The following NUDT12 variants were observed in gnomAD, a reference collection of about 807,000 sequenced individuals.
NUDT12 encodes NAD-capped RNA hydrolase NUDT12.
NUDT12 carries 42 observed loss-of-function variants against 45.7 expected under a neutral mutation model. The ratio of observed to expected loss-of-function variants is 0.92; its 90% CI spans 0.72 to 1.19. NUDT12 has a LOEUF of 1.19. NUDT12 is among the 50% of genes most tolerant of loss of function. The probability of loss-of-function intolerance (pLI) is 0.00; values close to 1 mark genes in which losing one functional copy is unlikely to be tolerated. For missense variants in NUDT12, 590 were observed against 533.1 expected, an observed-to-expected ratio of 1.11 and a Z score of -1.05; for synonymous variants, 206 against 179.7, an observed-to-expected ratio of 1.15 and a Z score of -1.17.
At position 103,550,650 on chromosome 5, in the gene NUDT12, C is replaced by G; in HGVS notation, c.*211G>C. The G allele has an allele frequency of 2.6e-6, 1 of 389,518 alleles. No homozygotes were observed. Among genetic ancestry groups the G allele is most frequent in the Non-Finnish European group, 4.7e-6 (1 of 214,608 alleles). The allele number at this position is 389,518 out of a possible 1,614,324, so 24.1% of individuals were successfully genotyped here. A position where few individuals can be genotyped will look rare whatever the true frequency, so the allele number is the denominator to read the frequency against. On this transcript the variant is annotated 3_prime_UTR_variant, in exon 7 of 7. Transcript: ENST00000230792. Reference sequence around the variant, plus strand: ...AGAGAAAAAGTTCAGAGAAGACTGACCCAAATTTAACATAATCTGAGGCAA... The same window carrying G: ...AGAGAAAAAGTTCAGAGAAGACTGAGCCAAATTTAACATAATCTGAGGCAA...
In NUDT12 at chr5:103,552,338, G is replaced by A; in HGVS notation, c.1157C>T (p.Ala386Val). The A allele has an allele frequency of 6.2e-7, 1 of 1,613,918 alleles. No homozygotes were observed. The highest frequency in any genetic ancestry group is 1.7e-5 in the Admixed American group (1 of 59,944). ...GGAAGGCATTGGCCATGGTTGACAA[G>A]CAACATACTGAACATGGCCAACTTT... Reference protein sequence around the residue: ...GVKVGHVQYVACQPWPMPSSL... With the variant: ...GVKVGHVQYVVCQPWPMPSSL... The change falls in exon 6 of 7, where the codon GCT (alanine) becomes GTT (valine). Residue 386 changes from alanine to valine, a missense_variant. Transcript: ENST00000230792.
chr5:103,554,799 C>T lies in NUDT12; in HGVS notation c.1019G>A (p.Gly340Asp). 4 of 1,562,024 alleles carry T rather than the reference C, an allele frequency of 2.6e-6. No homozygotes were observed. The highest frequency in any genetic ancestry group is 3.5e-6 in the Non-Finnish European group (4 of 1,150,118). The change falls in exon 5 of 7, where the codon GGC (glycine) becomes GAC (aspartate). Residue 340 changes from glycine (G) to aspartate (D), a missense_variant. Physicochemically the swap from Gly to Asp is moderately conservative, Grantham distance 94 (BLOSUM62 -1). Transcript: ENST00000230792. ...IHPDGTKCLL[G>D]RQKRFPPGMF... ...GCCTGGGGGAAATCTTTTCTGCCTGCCTAAAAGGCATTTGGTCCCATCTGG... is the reference window on the plus strand; with the variant it reads ...GCCTGGGGGAAATCTTTTCTGCCTGTCTAAAAGGCATTTGGTCCCATCTGG...
chr5:103,561,189 G>A (rs907780493), intron 1 of NUDT12, among the ~76,000 whole-genome samples: 3 of 151,920 alleles, frequency 2.0e-5, no homozygotes, highest in Admixed American at 2.0e-4. Context: ...AAAGATTTGG[G>A]ATTCTAACAA....
At chr5:103,558,171 T>G (rs551032845) in intron 3 of NUDT12, among the ~76,000 whole-genome samples, 2 of 152,158 alleles carry the variant, frequency 1.3e-5, no homozygotes, top group South Asian at 2.1e-4. Context: ...GCATATACCC[T>G]CTTTCCTCCA....
In NUDT12 at chr5:103,549,093, T is replaced by C. The variant is rs1748572723; in HGVS notation, c.*1768A>G. 1 of 152,146 alleles carries C rather than the reference T, an allele frequency of 6.6e-6. No homozygotes were observed. Among genetic ancestry groups the C allele is most frequent in the African/African-American group, 2.4e-5 (1 of 41,460 alleles). The allele number at this position is 152,146 out of a possible 1,614,324, so 9.4% of individuals were successfully genotyped here. ...TGTATAACTACACTTGTTGATACTT[T>C]ATATTCTACTTTCCTATTTTAACAT... On this transcript the variant is annotated 3_prime_UTR_variant, in exon 7 of 7. Transcript: ENST00000230792.
In NUDT12 at chr5:103,555,937, T is replaced by C. The variant is rs755787787; in HGVS notation, c.958A>G (p.Arg320Gly). Reference sequence around the variant, plus strand: ...TATAAAATAAAGGGCTTACCAACTCTTGGGTATGAGGTATTATGGACGCCA... The same window carrying C: ...TATAAAATAAAGGGCTTACCAACTCCTGGGTATGAGGTATTATGGACGCCA... ...LNGVHNTSYP[R>G]VDPVVIMQVI... The change falls in exon 4 of 7, where the codon AGA (arginine) becomes GGA (glycine). Residue 320 changes from arginine to glycine, a missense_variant. Coordinates refer to ENST00000230792, the MANE Select transcript of NUDT12 (RefSeq NM_031438.4). 3 of 1,571,262 alleles carry C rather than the reference T, an allele frequency of 1.9e-6. No homozygotes were observed. The highest frequency in any genetic ancestry group is 2.6e-6 in the Non-Finnish European group (3 of 1,159,620).
chr5:103,554,567 A>C, intron 5 of NUDT12, 173 bp downstream of exon 5: 1 of 333,334 alleles, frequency 3.0e-6, no homozygotes. Context: ...TAATTCTCAT[A>C]TAAAACATGA....
intron 4 of NUDT12, among the ~76,000 whole-genome samples, chr5:103,555,399 G>A (rs1372766812): frequency 6.6e-6 from 1 of 151,980 alleles, no homozygotes. Flanking sequence ...AAAGGCTCTT[G>A]AGCAACAAAA....
In NUDT12 at chr5:103,560,163, G is replaced by T. The variant is rs1275106072; in HGVS notation, c.86C>A (p.Thr29Lys). ...AGATGGAGAATGACTGAGTATTCCT[G>T]TTAACTTGGCAATATCTCCTTCAGC... ...SAAEGDIAKL[T>K]GILSHSPSLL... The change falls in exon 2 of 7, where the codon ACA becomes AAA. Residue 29 changes from threonine (T) to lysine (K), a missense_variant. Physicochemically the swap from Thr to Lys is moderately conservative, Grantham distance 78. Transcript: ENST00000230792. 1 of 1,613,584 alleles carries T rather than the reference G, an allele frequency of 6.2e-7. No individual in the cohort carries two copies. The highest frequency in any genetic ancestry group is 8.5e-7 in the Non-Finnish European group (1 of 1,179,538).
At position 103,555,996 on chromosome 5, in the gene NUDT12, C is replaced by T; in HGVS notation, c.899G>A (p.Arg300Lys). 1 of 1,611,176 alleles carries T rather than the reference C, an allele frequency of 6.2e-7. No individual in the cohort carries two copies. Among genetic ancestry groups the T allele is most frequent in the Non-Finnish European group, 8.5e-7 (1 of 1,178,184 alleles). ...ATKIEEGGYKRLCLKEDCPSL... is the reference protein window; with the variant it reads ...ATKIEEGGYKKLCLKEDCPSL... ...AGGACAGTCTTCTTTTAAACATAAT[C>T]TCTTATAGCCACCTTCTTCAATTTT... The change falls in exon 4 of 7, where the codon AGA (arginine) becomes AAA (lysine). Residue 300 changes from arginine (R) to lysine (K), a missense_variant. Coordinates refer to ENST00000230792, the MANE Select transcript of NUDT12 (RefSeq NM_031438.4).
chr5:103,556,060 T>G lies in NUDT12; in HGVS notation c.835A>C (p.Ser279Arg), dbSNP rs1748807921. 6.2e-7 allele frequency: 1 copy of G among 1,612,024 alleles called. No individual in the cohort carries two copies. The highest frequency in any genetic ancestry group is 8.5e-7 in the Non-Finnish European group (1 of 1,178,762). The change falls in exon 4 of 7, where the codon AGT becomes CGT. Residue 279 changes from serine (S) to arginine (R), a missense_variant. Coordinates refer to ENST00000230792, the MANE Select transcript of NUDT12 (RefSeq NM_031438.4). ...AQARSVLAWH[S>R]RYKFCPTCGN... Reference sequence around the variant, plus strand: ...CAGGTTGGGCAAAACTTGTATCGACTGTGCCAGGCAAGAACAGATCTTGCT... The same window carrying G: ...CAGGTTGGGCAAAACTTGTATCGACGGTGCCAGGCAAGAACAGATCTTGCT...
At chr5:103,552,140 A>G in intron 6 of NUDT12, 77 bp downstream of exon 6, 5 of 1,163,670 alleles carry the variant, frequency 4.3e-6, no homozygotes, top group Non-Finnish European at 6.4e-6. Flanking sequence ...TGCTGAAAAT[A>G]TGCATCCTTG....
At chr5:103,561,545 T>G (rs1378146910) in intron 1 of NUDT12, among the ~76,000 whole-genome samples, 2 of 152,204 alleles carry the variant, frequency 1.3e-5, no homozygotes, top group African/African-American at 4.8e-5. Flanking sequence ...TTTTGATTTA[T>G]TCTAGAATTT....
chr5:103,557,039 T>C (rs565819345), intron 3 of NUDT12, among the ~76,000 whole-genome samples: 1 of 151,922 alleles, frequency 6.6e-6, no homozygotes, highest in East Asian at 1.9e-4. Context: ...TAACATTTAT[T>C]GAGTACTTAC....
chr5:103,555,890 C>T (rs1458920294), intron 4 of NUDT12, 41 bp downstream of exon 4: 1 of 1,393,584 alleles, frequency 7.2e-7, no homozygotes, highest in Non-Finnish European at 9.4e-7. Flanking sequence ...TATCTTATTC[C>T]CCAAGATCCA....
At chr5:103,552,477 T>C in intron 5 of NUDT12, 61 bp from the exon 6 acceptor site, 2 of 1,277,470 alleles carry the variant, frequency 1.6e-6, no homozygotes, top group Non-Finnish European at 2.3e-6. Context: ...CTTTGTGTCC[T>C]GAATGGTTCA....
In NUDT12 at chr5:103,556,118, AC is replaced by A; in HGVS notation, c.797-21del. ...CAACCCCTTCAAAAAAAAGAAAAGC[AC>A]AAAAATTTTAATTCTGTAAGAAATT... On this transcript the variant is annotated intron_variant, in intron 3 of 6. Coordinates refer to ENST00000230792, the MANE Select transcript of NUDT12 (RefSeq NM_031438.4). 1 of 1,523,232 alleles carries A rather than the reference AC, an allele frequency of 6.6e-7. No individual in the cohort carries two copies. Among genetic ancestry groups the A allele is most frequent in the Non-Finnish European group, 8.8e-7 (1 of 1,139,898 alleles). The allele number at this position is 1,523,232 out of a possible 1,614,324, so 94.4% of individuals were successfully genotyped here.
intron 1 of NUDT12, among the ~76,000 whole-genome samples, chr5:103,562,042 A>T (rs1217476385): frequency 6.6e-6 from 1 of 152,214 alleles, no homozygotes; most frequent in Non-Finnish European, 1.5e-5. Context: ...TTCAATTCTC[A>T]TTGACAGGTT....
At position 103,559,195 on chromosome 5, in the gene NUDT12, A is replaced by G; in HGVS notation, c.480T>C (p.Val160=). ...AACTTTCTTTATTGCCACCTAGAGT[A>G]ACCAAGGGATTTAAATCTGAGAAAA... ...FILFSDLNPL[V]TLGGNKESFQ... The change falls in exon 3 of 7, where the codon GTT becomes GTC. Residue 160 remains valine (V), a synonymous_variant. Transcript: ENST00000230792. 7 of 1,558,412 alleles carry G rather than the reference A, an allele frequency of 4.5e-6. No individual in the cohort carries two copies. The highest frequency in any genetic ancestry group is 6.1e-6 in the Non-Finnish European group (7 of 1,156,212).
Sources: gnomAD v4.1 joint callset for allele counts (sites outside exome capture counted in the v4.1 genomes callset) on GRCh38, gnomAD v4.1.1 for gene constraint, MANE v1.5 for transcripts, NCBI Gene and HGNC (gene_info 2026-07-23, HGNC 2026-07-21) for gene names.